Variants in CCDC149 observed in about 807,000 individuals in gnomAD.
The protein encoded by CCDC149 is coiled-coil domain containing 149.
In CCDC149, 45 loss-of-function variants were observed where a neutral mutation model predicts 59.9. The observed-to-expected ratio is 0.75, with a 90% CI of 0.59 to 0.96. CCDC149 has a LOEUF of 0.96. Among genes scored for constraint, CCDC149 ranks in the 40% least tolerant of loss-of-function variants. The pLI is 0.00. For missense variants in CCDC149, 584 were observed against 664.7 expected, an observed-to-expected ratio of 0.88 and a Z score of 1.33; for synonymous variants, 245 against 260.6, an observed-to-expected ratio of 0.94 and a Z score of 0.58.
At chr4:24,928,775 A>T (rs932024596) in intron 1 of CCDC149, among the ~76,000 whole-genome samples, 2 of 152,192 alleles carry the variant, frequency 1.3e-5, no homozygotes, top group African/African-American at 2.4e-5. Context: ...TGGTCTTCAC[A>T]GGGCAGAGGT....
chr4:24,879,600 G>A (rs1423980217), intron 1 of CCDC149, among the ~76,000 whole-genome samples: 5 of 150,710 alleles, frequency 3.3e-5, no homozygotes, highest in South Asian at 2.1e-4. Context: ...CAGGATAATC[G>A]CTTGAACTCG....
chr4:24,866,468 G>A (rs1020202337), intron 3 of CCDC149, among the ~76,000 whole-genome samples: 2 of 152,152 alleles, frequency 1.3e-5, no homozygotes, highest in East Asian at 3.8e-4. Flanking sequence ...TGCAGGAACT[G>A]CTTGTTTAGC....
chr4:24,942,469 TC>T (rs1722982165), intron 1 of CCDC149, among the ~76,000 whole-genome samples: 1 of 152,080 alleles, frequency 6.6e-6, no homozygotes, highest in African/African-American at 2.4e-5. Flanking sequence ...TGGAAGCATT[TC>T]CTTTGAAAAC....
At chr4:24,926,381 A>T (rs1409411169) in intron 1 of CCDC149, among the ~76,000 whole-genome samples, 1 of 152,198 alleles carries the variant, frequency 6.6e-6, no homozygotes, top group Non-Finnish European at 1.5e-5. Context: ...CCACTGCATA[A>T]CAAGGACCTC....
intron 1 of CCDC149, among the ~76,000 whole-genome samples, chr4:24,878,976 C>A (rs1560233687): frequency 6.6e-6 from 1 of 152,202 alleles, no homozygotes; most frequent in Admixed American, 6.5e-5. Context: ...GTCTGAGATA[C>A]CTGGTAGAAA....
chr4:24,878,187 G>A (rs1020486141), intron 1 of CCDC149, among the ~76,000 whole-genome samples: 4 of 133,236 alleles, frequency 3.0e-5, no homozygotes, highest in Non-Finnish European at 6.2e-5. Context: ...GAAAAAGAGA[G>A]TTTTGTGCAT....
intron 3 of CCDC149, among the ~76,000 whole-genome samples, chr4:24,857,025 T>A (rs800474): frequency 3.3e-5 from 5 of 152,082 alleles, no homozygotes; most frequent in Non-Finnish European, 4.4e-5. Context: ...CACCTAAACC[T>A]TCATTTAGCG....
chr4:24,980,119 G>A (rs1484511766), exon 1 of CCDC149: 1 of 152,214 alleles, frequency 6.6e-6, no homozygotes, highest in Admixed American at 6.5e-5. Context: ...AGGACATCTG[G>A]ACTCCAGGAA....
At chr4:24,978,412 A>G (rs1018796614) in intron 1 of CCDC149, among the ~76,000 whole-genome samples, 2 of 152,196 alleles carry the variant, frequency 1.3e-5, no homozygotes, top group African/African-American at 4.8e-5. Context: ...CCCCTCATTT[A>G]ATGTAGACAC....
At chr4:24,822,159 C>G (rs1438665540) in intron 10 of CCDC149, among the ~76,000 whole-genome samples, 1 of 151,712 alleles carries the variant, frequency 6.6e-6, no homozygotes, top group Non-Finnish European at 1.5e-5. Context: ...TATAGGATAT[C>G]TACAGATTAA....
chr4:24,888,623 T>G (rs1720339626), intron 1 of CCDC149, among the ~76,000 whole-genome samples: 1 of 152,134 alleles, frequency 6.6e-6, no homozygotes, highest in Admixed American at 6.5e-5. Context: ...TCTCCAGACA[T>G]GGGTTTGGTT....
chr4:24,962,164 A>C lies in CCDC149; in HGVS notation c.-65+17905T>G, dbSNP rs1302325637. 3.3e-5 allele frequency among the ~76,000 whole-genome samples: 5 copies of C among 152,306 alleles called. No homozygotes were observed. The South Asian group carries it at 6.3e-4, about 19-fold the overall frequency. On this transcript the variant is annotated intron_variant, in intron 1 of 12. Coordinates refer to the CCDC149 transcript ENST00000389609. ...AAGTGGGCAAAGGATATGAACAGAC[A>C]CTTCTCAAAAGAAGACATCCATGCA...
intron 1 of CCDC149, among the ~76,000 whole-genome samples, chr4:24,928,620 A>G (rs1722496090): frequency 6.6e-6 from 1 of 152,062 alleles, no homozygotes; most frequent in Admixed American, 6.5e-5. Flanking sequence ...CTCCAATCAC[A>G]CTCACCTGGC....
rs747474506 is a variant in CCDC149 at position 24,837,238 on chromosome 4, T to C, written c.652A>G (p.Met218Val). ...GGCCTGGCCACTTGCCTGTTCTCCATACACAGGGCGTCCACGTCAATGATG... is the reference window on the plus strand; with the variant it reads ...GGCCTGGCCACTTGCCTGTTCTCCACACACAGGGCGTCCACGTCAATGATG... The change falls in exon 6 of 13, where the codon ATG (methionine) becomes GTG (valine). Residue 218 changes from methionine (M) to valine (V), a missense_variant. By Grantham distance (21) the Met-to-Val change is conservative. Coordinates refer to ENST00000635206, the MANE Select transcript of CCDC149 (RefSeq NM_001330643.2). This position sits in a 1 kb window ranked among gnomAD's most constrained non-coding sequence, Gnocchi z 4.3. 3 of 1,614,172 alleles carry C rather than the reference T, an allele frequency of 1.9e-6. No individual in the cohort carries two copies. The highest frequency in any genetic ancestry group is 2.5e-6 in the Non-Finnish European group (3 of 1,180,006).
chr4:24,804,898 G>A (rs1714076962), downstream of CCDC149, among the ~76,000 whole-genome samples: 1 of 152,168 alleles, frequency 6.6e-6, no homozygotes, highest in Non-Finnish European at 1.5e-5. Context: ...CCAAAAGCTG[G>A]GAGGGTCCAG....
chr4:24,853,941 C>A (rs1001491869), intron 3 of CCDC149, among the ~76,000 whole-genome samples: 4 of 152,070 alleles, frequency 2.6e-5, no homozygotes, highest in African/African-American at 9.7e-5. Context: ...CCAGGATAAT[C>A]GCCCTTCATT....
intron 1 of CCDC149, among the ~76,000 whole-genome samples, chr4:24,960,257 T>C (rs1180493378): frequency 6.6e-6 from 1 of 152,168 alleles, no homozygotes; most frequent in East Asian, 1.9e-4. Context: ...AAAGATAATA[T>C]AATTCTTTAT....
chr4:24,845,868 G>A (rs899510140), intron 4 of CCDC149, among the ~76,000 whole-genome samples: 8 of 152,222 alleles, frequency 5.3e-5, no homozygotes, highest in African/African-American at 1.9e-4. Flanking sequence ...AGATAGTTCA[G>A]CACATGTTGC....
At chr4:24,978,795 C>T (rs918070656) in intron 1 of CCDC149, among the ~76,000 whole-genome samples, 3 of 152,344 alleles carry the variant, frequency 2.0e-5, no homozygotes, top group Admixed American at 2.0e-4. Flanking sequence ...CAGATCTACT[C>T]GGACTCACTG....
Sources: allele counts gnomAD v4.1 joint callset (sites outside exome capture counted in the v4.1 genomes callset), GRCh38; gene constraint gnomAD v4.1.1; non-coding constraint Gnocchi (gnomAD v3.1); transcripts MANE v1.5; gene names NCBI Gene and HGNC (gene_info 2026-07-23, HGNC 2026-07-21).